The following CMC1 variants were observed in gnomAD, a reference collection of about 807,000 sequenced individuals.
CMC1 encodes C-X9-C motif containing 1, also known as COX assembly mitochondrial protein homolog.
A neutral mutation model predicts 14.1 loss-of-function variants in CMC1; 14 were observed. That is an observed-to-expected ratio of 0.99 (90% CI 0.66 to 1.55). The LOEUF (loss-of-function observed/expected upper bound fraction) is 1.55. Among genes scored for constraint, CMC1 ranks in the 40% most tolerant of loss-of-function variants. The probability of loss-of-function intolerance (pLI) is 0.00; values close to 1 mark genes in which losing one functional copy is unlikely to be tolerated. For missense variants in CMC1, 127 were observed against 123.8 expected, an observed-to-expected ratio of 1.03 and a Z score of -0.12; for synonymous variants, 50 against 38.4, an observed-to-expected ratio of 1.30 and a Z score of -1.12.
intron 2 of CMC1, among the ~76,000 whole-genome samples, chr3:28,302,094 T>A (rs1702081470): frequency 6.6e-6 from 1 of 152,208 alleles, no homozygotes; most frequent in Non-Finnish European, 1.5e-5. Context: ...GCTGGTCCTG[T>A]CCAGGGCCCT....
At chr3:28,260,812 T>TA (rs1699699341) in intron 1 of CMC1, among the ~76,000 whole-genome samples, 1 of 152,164 alleles carries the variant, frequency 6.6e-6, no homozygotes, top group Non-Finnish European at 1.5e-5. Flanking sequence ...CATATCAAAA[T>TA]ACTTTCGCAT....
intron 1 of CMC1, among the ~76,000 whole-genome samples, chr3:28,258,060 T>TTA (rs56153777): frequency 0.24 from 32,145 of 135,076 alleles, 3,837 homozygotes; most frequent in Admixed American, 0.28. Flanking sequence ...TTGAGCACCT[T>TTA]TATATATATA....
At chr3:28,293,225 G>A (rs1367115440) in intron 2 of CMC1, among the ~76,000 whole-genome samples, 1 of 151,994 alleles carries the variant, frequency 6.6e-6, no homozygotes, top group African/African-American at 2.4e-5. Context: ...TGGTTGTTCT[G>A]TGTATGGGCT....
At chr3:28,264,312 C>T (rs1699893287) in intron 2 of CMC1, among the ~76,000 whole-genome samples, 1 of 152,132 alleles carries the variant, frequency 6.6e-6, no homozygotes, top group Non-Finnish European at 1.5e-5. Context: ...AATTTCAGGA[C>T]TGGGTCAATA....
intron 2 of CMC1, among the ~76,000 whole-genome samples, chr3:28,269,436 T>C (rs1700167007): frequency 6.8e-6 from 1 of 146,800 alleles, no homozygotes; most frequent in Admixed American, 7.0e-5. Flanking sequence ...TATTTTGGTT[T>C]TAGAAATAAA....
chr3:28,292,747 T>G (rs925046496), intron 2 of CMC1: 2 of 152,206 alleles, frequency 1.3e-5, no homozygotes, highest in Admixed American at 1.3e-4. Flanking sequence ...AATGTACTTA[T>G]TTGTCAAGAT....
intron 2 of CMC1, among the ~76,000 whole-genome samples, chr3:28,277,860 G>A (rs576211365): frequency 6.6e-6 from 1 of 152,288 alleles, no homozygotes; most frequent in East Asian, 1.9e-4. Flanking sequence ...AAAATGATTG[G>A]AGGCAGAATC....
At chr3:28,244,725 CAA>C (rs558381085) in intron 1 of CMC1, among the ~76,000 whole-genome samples, 8 of 115,762 alleles carry the variant, frequency 6.9e-5, no homozygotes, top group Admixed American at 9.3e-5. Context: ...GACTTCGTCT[CAA>C]AAAAAAAAAA....
rs546360295 is a variant in CMC1, at chr3:28,304,369, T to G, written c.110-11964T>G. On this transcript the variant is annotated intron_variant, in intron 2 of 3. Coordinates refer to ENST00000466830, the MANE Select transcript of CMC1 (RefSeq NM_182523.2). The stretch of plus-strand genomic sequence containing the variant: ...GTCCCCAAAGATGTCTCAGTCATAA[T>G]CCCTGAAACCTGTGAATATGGATAT... 2.0e-5 allele frequency among the ~76,000 whole-genome samples: 3 copies of G among 152,152 alleles called. No homozygotes were observed. In the East Asian group the frequency reaches 5.8e-4, roughly 29 times the overall value.
chr3:28,306,231 T>C (rs1190570977), intron 2 of CMC1, among the ~76,000 whole-genome samples: 5 of 152,148 alleles, frequency 3.3e-5, no homozygotes, highest in Non-Finnish European at 7.3e-5. Flanking sequence ...AAAATGACAT[T>C]GGTAATTTGA....
chr3:28,252,614 C>G (rs1699186943), intron 1 of CMC1, among the ~76,000 whole-genome samples: 1 of 152,166 alleles, frequency 6.6e-6, no homozygotes, highest in Admixed American at 6.5e-5. Flanking sequence ...AATGGTGCTT[C>G]TGAAACACAA....
intron 1 of CMC1, among the ~76,000 whole-genome samples, chr3:28,262,541 G>C (rs1000469852): frequency 6.6e-6 from 1 of 152,080 alleles, no homozygotes; most frequent in African/African-American, 2.4e-5. Flanking sequence ...TGCTGCTTCA[G>C]AGCATGGAGC....
intron 2 of CMC1, among the ~76,000 whole-genome samples, chr3:28,301,742 C>G (rs755174189): frequency 2.0e-5 from 3 of 151,862 alleles, no homozygotes; most frequent in Non-Finnish European, 4.4e-5. Context: ...TGTTAATAGT[C>G]TGGAAATCAC....
rs1200483241 is a variant in CMC1, at chr3:28,322,557, G to C, written c.*2928G>C. The C allele has an allele frequency of 6.6e-6, 1 of 151,522 alleles. No homozygotes were observed. Among genetic ancestry groups the C allele is most frequent in the African/African-American group, 2.4e-5 (1 of 41,304 alleles). 9.4% of individuals were successfully genotyped at this position (151,522 alleles called of 1,614,324 possible). ...TGCAGCCACATGAGAAATAGTTTTT[G>C]CTGCTTTGTTATTACACAGGTAGTT... On this transcript the variant is annotated 3_prime_UTR_variant, in exon 4 of 4. Coordinates refer to ENST00000466830, the MANE Select transcript of CMC1 (RefSeq NM_182523.2).
chr3:28,325,065 T>G lies in CMC1; in HGVS notation c.*5436T>G, dbSNP rs1703334564. Reference sequence around the variant, plus strand: ...AGCAGTTTAAATAAAATTTGTGAAATCTTGTTTCTTGTAAAACACAGCAAA... The same window carrying G: ...AGCAGTTTAAATAAAATTTGTGAAAGCTTGTTTCTTGTAAAACACAGCAAA... On this transcript the variant is annotated 3_prime_UTR_variant, in exon 4 of 4. Transcript: ENST00000466830. 1 of 148,868 alleles carries G rather than the reference T, an allele frequency of 6.7e-6. No homozygotes were observed. Among genetic ancestry groups the G allele is most frequent in the South Asian group, 2.1e-4 (1 of 4,788 alleles). The allele number at this position is 148,868 out of a possible 1,614,324, so 9.2% of individuals were successfully genotyped here.
chr3:28,314,576 G>A (rs1345043974), intron 2 of CMC1, among the ~76,000 whole-genome samples: 1 of 152,210 alleles, frequency 6.6e-6, no homozygotes, highest in East Asian at 1.9e-4. Flanking sequence ...AATCCTGTGT[G>A]TCCTTGAAGG....
At chr3:28,301,038 C>A (rs1044834203) in intron 2 of CMC1, among the ~76,000 whole-genome samples, 7 of 149,630 alleles carry the variant, frequency 4.7e-5, no homozygotes, top group Non-Finnish European at 1.5e-5. Context: ...TTTTTAGTGG[C>A]TACATAGTAT....
At chr3:28,302,872 GTC>G in intron 2 of CMC1, among the ~76,000 whole-genome samples, 1 of 152,232 alleles carries the variant, frequency 6.6e-6, no homozygotes, top group African/African-American at 2.4e-5. Flanking sequence ...CCTGGGTTAA[GTC>G]TCTATTGCGT....
At chr3:28,269,866 A>G (rs1700194410) in intron 2 of CMC1, among the ~76,000 whole-genome samples, 1 of 152,124 alleles carries the variant, frequency 6.6e-6, no homozygotes, top group Admixed American at 6.6e-5. Flanking sequence ...CACCTGGCCA[A>G]TCCATACCTA....
Sources: gnomAD v4.1 joint callset for allele counts (sites outside exome capture counted in the v4.1 genomes callset) on GRCh38, gnomAD v4.1.1 for gene constraint, MANE v1.5 for transcripts, NCBI Gene and HGNC (gene_info 2026-07-23, HGNC 2026-07-21) for gene names.